The following LRP1B variants were observed in gnomAD, a reference collection of about 807,000 sequenced individuals.
LRP1B encodes low-density lipoprotein receptor-related protein 1B.
LRP1B carries 217 observed loss-of-function variants against 556.6 expected under a neutral mutation model. That is an observed-to-expected ratio of 0.39 (90% CI 0.35 to 0.44). The LOEUF is 0.44. LRP1B is among the 20% of genes least tolerant of loss of function. The pLI is 1.00. For synonymous variants in LRP1B, 2,047 were observed against 1,865.8 expected, an observed-to-expected ratio of 1.10 and a Z score of -2.50; for missense variants, 5,053 against 5,620.8, an observed-to-expected ratio of 0.90 and a Z score of 3.23.
intron 16 of LRP1B, among the ~76,000 whole-genome samples, chr2:140,989,931 C>T (rs969977145): frequency 9.2e-5 from 14 of 152,108 alleles, no homozygotes; most frequent in Middle Eastern, 3.4e-3. Flanking sequence ...TATGGCCAGG[C>T]GTGGTGGCTC....
chr2:141,819,107 T>C lies in LRP1B; in HGVS notation c.83-8706A>G, dbSNP rs1397381776. 3.9e-3 allele frequency among the ~76,000 whole-genome samples: 3 copies of C among 760 alleles called. No homozygotes were observed. In the Admixed American group the frequency reaches 0.065, roughly 17 times the overall value. 0.5% of individuals were successfully genotyped at this position (760 alleles called of 152,430 possible). On this transcript the variant is annotated intron_variant, in intron 1 of 90. Coordinates refer to ENST00000389484, the MANE Select transcript of LRP1B (RefSeq NM_018557.3). ...TTCAAAAATTAACCAGGAGTGGTGGTGCACACCTGTATCCCAGCTACTCAG... is the reference window on the plus strand; with the variant it reads ...TTCAAAAATTAACCAGGAGTGGTGGCGCACACCTGTATCCCAGCTACTCAG...
Position 140,282,793 on chromosome 2 carries a change from GTCTC to G in LRP1B, c.12968-8199_12968-8196del, listed in dbSNP as rs1199363793. 7.2e-5 allele frequency among the ~76,000 whole-genome samples: 11 copies of G among 151,864 alleles called. No individual in the cohort carries two copies. In the South Asian group the frequency reaches 2.1e-3, roughly 29 times the overall value. ...TCATTCCAATCCAAGTTAGATGTTT[GTCTC>G]TCTATCTATGGATAGTTGGTTCAAA... is the stretch of plus-strand genomic sequence containing the variant. On this transcript the variant is annotated intron_variant, in intron 84 of 90. Transcript: ENST00000389484.
chr2:140,748,086 C>T (rs1323067521), intron 35 of LRP1B, among the ~76,000 whole-genome samples: 3 of 72,822 alleles, frequency 4.1e-5, no homozygotes, highest in East Asian at 3.7e-4. Context: ...TTTTTAAAGT[C>T]CTATGAATAT....
At chr2:141,445,793 T>C (rs965944895) in intron 3 of LRP1B, among the ~76,000 whole-genome samples, 4 of 151,918 alleles carry the variant, frequency 2.6e-5, no homozygotes, top group Admixed American at 2.6e-4. Flanking sequence ...GAGACTGTTA[T>C]AATTTCTGTT....
At chr2:141,224,011 A>G (rs2105282237) in intron 6 of LRP1B, among the ~76,000 whole-genome samples, 1 of 152,322 alleles carries the variant, frequency 6.6e-6, no homozygotes, top group Non-Finnish European at 1.5e-5. Context: ...AACAATTGCA[A>G]CAAAAGCAAA....
At chr2:141,854,621 TTCCCTTAA>T (rs1291665357) in intron 1 of LRP1B, among the ~76,000 whole-genome samples, 1 of 152,034 alleles carries the variant, frequency 6.6e-6, no homozygotes, top group Non-Finnish European at 1.5e-5. Flanking sequence ...AAATAAAATA[TTCCCTTAA>T]TCCTTGATGT....
chr2:140,274,627 A>G (rs775216457), intron 84 of LRP1B, 29 bp from the exon 85 acceptor site: 1 of 1,587,740 alleles, frequency 6.3e-7, no homozygotes, highest in South Asian at 1.1e-5. Context: ...ACAGAAAAAT[A>G]AAATTATATT....
chr2:140,399,166 C>T (rs1292956688), intron 66 of LRP1B, among the ~76,000 whole-genome samples: 1 of 138,276 alleles, frequency 7.2e-6, no homozygotes, highest in South Asian at 2.2e-4. Flanking sequence ...GACCAAGATA[C>T]ACACACACAC....
intron 23 of LRP1B, among the ~76,000 whole-genome samples, chr2:140,888,361 T>A (rs1010813620): frequency 6.6e-6 from 1 of 151,862 alleles, no homozygotes; most frequent in Non-Finnish European, 1.5e-5. Flanking sequence ...TAACTCAAAT[T>A]TGAAAATAAT....
chr2:140,438,389 C>T (rs1261326622), intron 66 of LRP1B, among the ~76,000 whole-genome samples: 3 of 152,122 alleles, frequency 2.0e-5, no homozygotes, highest in African/African-American at 7.2e-5. Flanking sequence ...TAGCTTATAG[C>T]TATAACGGTA....
At position 141,544,346 on chromosome 2, in the gene LRP1B, C is replaced by CTTCTTCTT. The variant is rs1559131309; in HGVS notation, c.206-63821_206-63814dup. 2.1e-3 allele frequency among the ~76,000 whole-genome samples: 177 copies of CTTCTTCTT among 84,930 alleles called. 8 individuals are homozygous for CTTCTTCTT. The highest frequency in any genetic ancestry group is 2.0e-3 in the Non-Finnish European group (84 of 41,542). The allele number at this position is 84,930 out of a possible 152,430, so 55.7% of individuals were successfully genotyped here. ...TCTTCTTCTTCTTCTTCTTCTTCTT[C>CTTCTTCTT]TTCTTCTTCTTCTTCTTCTTCTTCT... is the stretch of plus-strand genomic sequence containing the variant. On this transcript the variant is annotated intron_variant, in intron 2 of 90. Coordinates refer to ENST00000389484, the MANE Select transcript of LRP1B (RefSeq NM_018557.3).
chr2:140,515,735 C>A (rs1336817593), intron 50 of LRP1B, among the ~76,000 whole-genome samples: 3 of 151,934 alleles, frequency 2.0e-5, no homozygotes, highest in African/African-American at 4.8e-5. Context: ...AATCCACATA[C>A]AATATTTTGG....
rs1689569119 is a variant in LRP1B, at chr2:140,509,643, A to C, written c.8398+285T>G. Reference sequence around the variant, plus strand: ...CAAACCTACTGCACTCGTACACATAAAGTGCAGTTACATTAGCTGAGAAGT... The same window carrying C: ...CAAACCTACTGCACTCGTACACATACAGTGCAGTTACATTAGCTGAGAAGT... On this transcript the variant is annotated intron_variant, in intron 52 of 90. Transcript: ENST00000389484. 2.6e-5 allele frequency among the ~76,000 whole-genome samples: 4 copies of C among 152,288 alleles called. No homozygotes were observed. In the South Asian group the frequency reaches 8.3e-4, roughly 32 times the overall value.
chr2:141,746,303 G>C (rs1693913657), intron 2 of LRP1B, among the ~76,000 whole-genome samples: 1 of 152,126 alleles, frequency 6.6e-6, no homozygotes, highest in African/African-American at 2.4e-5. Flanking sequence ...GACGGGGCTT[G>C]CTGGAACTCA....
chr2:142,097,397 A>G (rs1706413851), intron 1 of LRP1B, among the ~76,000 whole-genome samples: 1 of 127,560 alleles, frequency 7.8e-6, no homozygotes. Context: ...ATTGCATTTA[A>G]TTTTATGATA....
intron 3 of LRP1B, among the ~76,000 whole-genome samples, chr2:141,413,827 G>C (rs538767501): frequency 3.3e-5 from 5 of 151,904 alleles, no homozygotes; most frequent in African/African-American, 4.8e-5. Context: ...GCAGTGAGCT[G>C]TTATTGTGCC....
chr2:140,957,754 T>A (rs1695917165), intron 18 of LRP1B, among the ~76,000 whole-genome samples: 2 of 151,548 alleles, frequency 1.3e-5, no homozygotes, highest in African/African-American at 4.8e-5. Flanking sequence ...TCTATCTAGA[T>A]GCCTGGGTTT....
chr2:141,180,019 T>G (rs1448227277), intron 7 of LRP1B, among the ~76,000 whole-genome samples: 1 of 151,782 alleles, frequency 6.6e-6, no homozygotes, highest in East Asian at 1.9e-4. Flanking sequence ...TGTTTTTAAT[T>G]TTTGTTCTTT....
intron 7 of LRP1B, among the ~76,000 whole-genome samples, chr2:141,070,211 C>T (rs1429768805): frequency 4.6e-5 from 7 of 151,668 alleles, no homozygotes; most frequent in South Asian, 4.2e-4. Flanking sequence ...CACTCAAAAC[C>T]GCTCAACTAC....
Sources: gnomAD v4.1 joint callset for allele counts (sites outside exome capture counted in the v4.1 genomes callset) on GRCh38, gnomAD v4.1.1 for gene constraint, MANE v1.5 for transcripts, NCBI Gene and HGNC (gene_info 2026-07-23, HGNC 2026-07-21) for gene names.